The following STYK1 variants were observed in gnomAD, a reference collection of about 807,000 sequenced individuals.
STYK1 encodes the protein STY kinase 1, also known as tyrosine-protein kinase STYK1.
STYK1 carries 46 observed loss-of-function variants against 48.1 expected under a neutral mutation model. That is an observed-to-expected ratio of 0.96 (90% CI 0.75 to 1.22). The LOEUF (loss-of-function observed/expected upper bound fraction) is 1.22. Ranked by LOEUF, STYK1 falls within the 50% of genes most tolerant of loss-of-function variation. The probability of loss-of-function intolerance (pLI) is 0.00; values close to 1 mark genes in which losing one functional copy is unlikely to be tolerated. For missense variants in STYK1, 527 were observed against 521.1 expected (o/e 1.01, Z -0.11); for synonymous variants, 188 against 189.0 (o/e 0.99, Z 0.04).
intron 7 of STYK1, among the ~76,000 whole-genome samples, chr12:10,626,370 C>G (rs1476149242): frequency 6.6e-6 from 1 of 152,156 alleles, no homozygotes; most frequent in Non-Finnish European, 1.5e-5. Flanking sequence ...ATCAACGAGG[C>G]CATTCAAACA....
intron 1 of STYK1, chr12:10,667,466 A>T (rs1947844886): frequency 6.6e-6 from 1 of 151,900 alleles, no homozygotes; most frequent in Non-Finnish European, 1.5e-5. Context: ...CTTAAAAAAA[A>T]AAAAAATACA....
intron 7 of STYK1, among the ~76,000 whole-genome samples, chr12:10,625,560 G>T (rs888424188): frequency 6.6e-6 from 1 of 152,018 alleles, no homozygotes; most frequent in Non-Finnish European, 1.5e-5. Context: ...AATGTAATAC[G>T]TACCAAAATT....
At chr12:10,663,130 C>T (rs2418093) in intron 1 of STYK1, among the ~76,000 whole-genome samples, 82,889 of 151,858 alleles carry the variant, frequency 0.55, 23,307 homozygotes, top group East Asian at 0.77. Context: ...CTTATTATTA[C>T]TAGAGATAAT....
At chr12:10,630,908 C>A in intron 5 of STYK1, 137 bp downstream of exon 5, 1 of 1,114,594 alleles carries the variant, frequency 9.0e-7, no homozygotes, top group Non-Finnish European at 1.3e-6. Flanking sequence ...AACATTTCTG[C>A]CTCAAGTTTC....
chr12:10,639,132 A>G (rs1177953645), intron 1 of STYK1, among the ~76,000 whole-genome samples: 1 of 152,210 alleles, frequency 6.6e-6, no homozygotes, highest in Non-Finnish European at 1.5e-5. Flanking sequence ...TATCTGGAAA[A>G]AAAACAAAAA....
rs1466899135 is a variant in STYK1, at chr12:10,672,312, G to A, written c.-195+1654C>T. The stretch of plus-strand genomic sequence containing the variant: ...CAGGTGAGCCAGCAAAGCTTCATCT[G>A]CATTTACAGCCACTCCCCATCGCTG... On this transcript the variant is annotated intron_variant, in intron 1 of 10. Transcript: ENST00000075503. This position sits in a 1 kb window ranked among gnomAD's most constrained non-coding sequence, Gnocchi z 4.0. Among the ~76,000 whole-genome samples, 1 of 152,214 alleles carries A rather than the reference G, an allele frequency of 6.6e-6. No homozygotes were observed. Among genetic ancestry groups the A allele is most frequent in the Non-Finnish European group, 1.5e-5 (1 of 68,042 alleles).
rs560534668 is a variant in STYK1 at position 10,629,628 on chromosome 12, T to C, written c.498A>G (p.Gln166=). The part of the protein sequence containing the change: ...HEVQDFLGRI[Q]FHQYLGKHKN... ...TGTGTTTCCCCAGGTATTGATGGAA[T>C]TGGATTCGCCCTAAGAAATCTTGTA... Residue 166 remains glutamine, a synonymous_variant, in exon 6 of 11, where the codon CAA becomes CAG. Transcript: ENST00000075503. The C allele has an allele frequency of 6.2e-7, 1 of 1,614,196 alleles. No individual in the cohort carries two copies. Among genetic ancestry groups the C allele is most frequent in the South Asian group, 1.1e-5 (1 of 91,076 alleles).
At chr12:10,639,771 A>G (rs982523653) in intron 1 of STYK1, among the ~76,000 whole-genome samples, 16 of 152,212 alleles carry the variant, frequency 1.1e-4, no homozygotes, top group African/African-American at 3.6e-4. Flanking sequence ...CAGGTCTTTT[A>G]CTTACAAACC....
intron 1 of STYK1, among the ~76,000 whole-genome samples, chr12:10,647,718 G>A (rs1331749969): frequency 6.6e-6 from 1 of 152,304 alleles, no homozygotes; most frequent in East Asian, 1.9e-4. Context: ...GAATTCCCAT[G>A]TGTTGTGGGA....
intron 1 of STYK1, among the ~76,000 whole-genome samples, chr12:10,662,772 A>T (rs1200810119): frequency 6.6e-6 from 1 of 152,140 alleles, no homozygotes; most frequent in Non-Finnish European, 1.5e-5. Context: ...CTTATTAGAT[A>T]TATCATATGC....
intron 1 of STYK1, among the ~76,000 whole-genome samples, chr12:10,649,035 C>G (rs1279615111): frequency 6.6e-6 from 1 of 152,090 alleles, no homozygotes; most frequent in Non-Finnish European, 1.5e-5. Flanking sequence ...TAATTTCTCT[C>G]CCAAATGTCA....
At chr12:10,669,800 T>C (rs1947873282) in intron 1 of STYK1, among the ~76,000 whole-genome samples, 1 of 152,034 alleles carries the variant, frequency 6.6e-6, no homozygotes, top group African/African-American at 2.4e-5. Context: ...CAAATAACTG[T>C]ACTAAAAATG....
intron 1 of STYK1, among the ~76,000 whole-genome samples, chr12:10,671,487 C>T (rs910599791): frequency 2.0e-5 from 3 of 152,108 alleles, no homozygotes; most frequent in African/African-American, 7.2e-5. Context: ...ACCGGCCATT[C>T]CTGGCTTTGA....
intron 1 of STYK1, among the ~76,000 whole-genome samples, chr12:10,650,030 C>T (rs1449102280): frequency 5.0e-5 from 7 of 140,904 alleles, no homozygotes; most frequent in Admixed American, 3.8e-4. Context: ...AGGAGAATGG[C>T]ATCAACCCAA....
intron 1 of STYK1, among the ~76,000 whole-genome samples, chr12:10,641,180 G>A (rs535529689): frequency 6.6e-6 from 1 of 152,230 alleles, no homozygotes; most frequent in East Asian, 1.9e-4. Flanking sequence ...GGGAAAAGCT[G>A]AGAACTCACA....
At chr12:10,656,626 AAAAAAAC>A (rs1302064707) in intron 1 of STYK1, among the ~76,000 whole-genome samples, 7 of 152,292 alleles carry the variant, frequency 4.6e-5, no homozygotes, top group Admixed American at 2.0e-4. Flanking sequence ...CTCCATCTCA[AAAAAAAC>A]AAAAAACAAA....
At chr12:10,642,226 T>C (rs557342568) in intron 1 of STYK1, among the ~76,000 whole-genome samples, 1 of 152,326 alleles carries the variant, frequency 6.6e-6, no homozygotes, top group African/African-American at 2.4e-5. Context: ...TGGAATCTGA[T>C]GGATATCTAT....
chr12:10,665,951 T>C (rs755480322), intron 1 of STYK1, among the ~76,000 whole-genome samples: 1 of 152,194 alleles, frequency 6.6e-6, no homozygotes, highest in Non-Finnish European at 1.5e-5. Flanking sequence ...CGAATAAGTC[T>C]TATAGAATAA....
At chr12:10,642,802 G>A (rs1179823687) in intron 1 of STYK1, among the ~76,000 whole-genome samples, 1 of 152,110 alleles carries the variant, frequency 6.6e-6, no homozygotes, top group African/African-American at 2.4e-5. Context: ...ATTTAAACCA[G>A]ATAAATCAAA....
Sources: gnomAD v4.1 joint callset for allele counts (sites outside exome capture counted in the v4.1 genomes callset) on GRCh38, gnomAD v4.1.1 for gene constraint, Gnocchi (gnomAD v3.1) non-coding constraint, MANE v1.5 for transcripts, NCBI Gene and HGNC (gene_info 2026-07-23, HGNC 2026-07-21) for gene names.